The following FLNA variants were observed in gnomAD, a reference collection of about 807,000 sequenced individuals.
FLNA encodes the protein filamin-A.
In FLNA, 7 loss-of-function variants were observed where a neutral mutation model predicts 157.6. That is an observed-to-expected ratio of 0.04 (90% CI 0.03 to 0.08). FLNA has a LOEUF of 0.08. Among genes scored for constraint, FLNA ranks in the 10% least tolerant of loss-of-function variants. The probability of loss-of-function intolerance (pLI) is 1.00; values close to 1 mark genes in which losing one functional copy is unlikely to be tolerated. For synonymous variants in FLNA, 1,103 were observed against 1,060.8 expected (o/e 1.04, Z -0.77); for missense variants, 1,750 against 2,398.4 (o/e 0.73, Z 5.65).
In FLNA at chrX:154,349,469, G is replaced by C; in HGVS notation, c.7649C>G (p.Pro2550Arg). 1 of 1,211,587 alleles carries C rather than the reference G, an allele frequency of 8.3e-7. No individual in the cohort carries two copies. The highest frequency in any genetic ancestry group is 1.1e-6 in the Non-Finnish European group (1 of 895,002). Reference sequence around the variant, plus strand: ...GCTGGCGTCAGCAGGCCCAGGACCCGGGGCCCCATGCTGGGGGGCACAGGT... The same window carrying C: ...GCTGGCGTCAGCAGGCCCAGGACCCCGGGCCCCATGCTGGGGGGCACAGGT... The part of the protein sequence containing the change: ...KATCAPQHGA[P>R]GPGPADASKV... Residue 2550 changes from proline (P) to arginine (R), a missense_variant, in exon 47 of 48, where the codon CCG (proline) becomes CGG (arginine). By Grantham distance (103) the Pro-to-Arg change is moderately radical (BLOSUM62 -2). Around this residue, in one of 5 missense-constraint regions of FLNA, gnomAD observed 970 missense variants for 1,302.6 expected, o/e 0.74. Transcript: ENST00000369850.
Position 154,354,910 on chromosome X carries a change from A to G in FLNA, c.5132T>C (p.Phe1711Ser), listed in dbSNP as rs1390287865. Reference sequence around the variant, plus strand: ...TTTGCCCGGCTGGGGGGCCGTGTAGAAGATGTCGAAAGTGCCGTCCTCATT... The same window carrying G: ...TTTGCCCGGCTGGGGGGCCGTGTAGGAGATGTCGAAAGTGCCGTCCTCATT... Reference protein sequence around the residue: ...VENEDGTFDIFYTAPQPGKYV... With the variant: ...VENEDGTFDISYTAPQPGKYV... Residue 1711 changes from phenylalanine (F) to serine (S), a missense_variant, in exon 31 of 48, where the codon TTC (phenylalanine) becomes TCC (serine). By Grantham distance (155) the Phe-to-Ser change is radical. Transcript: ENST00000369850. The G allele has an allele frequency of 1.7e-6, 2 of 1,211,081 alleles. No individual in the cohort carries two copies. The highest frequency in any genetic ancestry group is 5.9e-5 in the East Asian group (2 of 33,793).
rs1167714408 is a variant in FLNA at position 154,349,356 on chromosome X, G to A, written c.7756+6C>T. 1 of 1,207,170 alleles carries A rather than the reference G, an allele frequency of 8.3e-7. No homozygotes were observed. The highest frequency in any genetic ancestry group is 1.1e-6 in the Non-Finnish European group (1 of 891,959). On this transcript the variant is annotated splice_donor_region_variant and intron_variant, in intron 47 of 47. Coordinates refer to ENST00000369850, the MANE Select transcript of FLNA (RefSeq NM_001110556.2). ...GGAAGGTGGGCCGGGGGCCCAGGTT[G>A]CCCACCTGCTTTGCTGCAGTCTACT...
chrX:154,362,164 G>A lies in FLNA; in HGVS notation c.2657-16C>T. 8.3e-7 allele frequency: 1 copy of A among 1,210,832 alleles called. No homozygotes were observed. The highest frequency in any genetic ancestry group is 1.1e-6 in the Non-Finnish European group (1 of 894,729). On this transcript the variant is annotated splice_polypyrimidine_tract_variant and intron_variant, in intron 18 of 47. Coordinates refer to ENST00000369850, the MANE Select transcript of FLNA (RefSeq NM_001110556.2). ...AGCTCGACACCTGAGGAACACACAG[G>A]GACCATGTAGGGGCACCCTGCCCCA...
rs2067626725 is a variant in FLNA, at chrX:154,352,405, G to A, written c.6545C>T (p.Ser2182Leu). 3 of 1,212,036 alleles carry A rather than the reference G, an allele frequency of 2.5e-6. No individual in the cohort carries two copies. Among genetic ancestry groups the A allele is most frequent in the Non-Finnish European group, 3.3e-6 (3 of 895,605 alleles). Residue 2182 changes from serine to leucine, a missense_variant, in exon 41 of 48, where the codon TCG becomes TTG. Around this residue, in one of 5 missense-constraint regions of FLNA, gnomAD observed 970 missense variants for 1,302.6 expected, o/e 0.74. Transcript: ENST00000369850. ...QDMTAQVTSPSGKTHEAEIVE... is the reference protein window; with the variant it reads ...QDMTAQVTSPLGKTHEAEIVE... ...GATCTCGGCCTCATGGGTCTTGCCC[G>A]ATGGGCTGGTCACCTGGGCTGTCAT...
At chrX:154,374,378 G>A (rs1387687062) in intron 1 of FLNA, 128 bp downstream of exon 1, 1 of 112,668 alleles carries the variant, frequency 8.9e-6, no homozygotes, top group African/African-American at 3.2e-5. Context: ...AGCTGAACCT[G>A]GCCCGGACCT....
At chrX:154,349,088 G>C in intron 47 of FLNA, 52 bp from the exon 48 acceptor site, 3 of 1,108,969 alleles carry the variant, frequency 2.7e-6, no homozygotes, top group Non-Finnish European at 3.7e-6. Context: ...TCCTCCCGCT[G>C]GTGTCCTGCT....
chrX:154,350,758 G>A, intron 44 of FLNA, 151 bp downstream of exon 44: 1 of 606,895 alleles, frequency 1.6e-6, no homozygotes, highest in Non-Finnish European at 2.7e-6. Flanking sequence ...CCAGCGGCTT[G>A]GGTCACCAAT....
Position 154,358,449 on chromosome X carries a change from G to C in FLNA, c.4594C>G (p.Arg1532Gly), listed in dbSNP as rs782563345. Reference sequence around the variant, plus strand: ...GCAGCAGGCCCTGCCTCTTACCTCCGGGGTACCTCTTCATCTCCATACAGT... The same window carrying C: ...GCAGCAGGCCCTGCCTCTTACCTCCCGGGTACCTCTTCATCTCCATACAGT... ...SVLYGDEEVP[R>G]SPFKVKVLPT... Residue 1532 changes from arginine to glycine, a missense_variant, in exon 27 of 48, where the codon CGG (arginine) becomes GGG (glycine). Physicochemically the swap from Arg to Gly is moderately radical, Grantham distance 125. Coordinates refer to ENST00000369850, the MANE Select transcript of FLNA (RefSeq NM_001110556.2). The C allele has an allele frequency of 8.3e-7, 1 of 1,211,279 alleles. No homozygotes were observed. The highest frequency in any genetic ancestry group is 1.1e-6 in the Non-Finnish European group (1 of 895,333).
At chrX:154,355,357 T>C (rs970996041) in intron 30 of FLNA, among the ~76,000 whole-genome samples, 6 of 113,660 alleles carry the variant, frequency 5.3e-5, no homozygotes, top group African/African-American at 1.6e-4. Context: ...AGCCTAAGTG[T>C]TGACAGCCAC....
At chrX:154,354,511 A>G in intron 32 of FLNA, 28 bp from the exon 33 acceptor site, 1 of 1,191,326 alleles carries the variant, frequency 8.4e-7, no homozygotes, top group Non-Finnish European at 1.1e-6. Context: ...GGCATGGGTG[A>G]GGGACAGTGG....
chrX:154,364,770 G>A, intron 12 of FLNA, 51 bp from the exon 13 acceptor site: 7 of 1,208,444 alleles, frequency 5.8e-6, no homozygotes, highest in Non-Finnish European at 4.5e-6. Flanking sequence ...AGGGTGGGCC[G>A]TCCTTGCCAT....
Position 154,349,254 on chromosome X carries a change from G to C in FLNA, c.7756+108C>G, listed in dbSNP as rs201634337. On this transcript the variant is annotated intron_variant, in intron 47 of 47. Coordinates refer to ENST00000369850, the MANE Select transcript of FLNA (RefSeq NM_001110556.2). ...AGGTGGCAGGGAGGTGGCTCTAGAA[G>C]TGAAAGCCACGCCCCAAAGGCGGTC... The C allele has an allele frequency of 7.8e-6, 7 of 898,151 alleles. No individual in the cohort carries two copies. In the East Asian group the frequency reaches 2.2e-4, roughly 28 times the overall value. The allele number at this position is 898,151 out of a possible 1,213,427, so 74.0% of individuals were successfully genotyped here.
At chrX:154,367,774 C>T (rs2067773849) in intron 3 of FLNA, 36 bp from the exon 4 acceptor site, 1 of 1,208,788 alleles carries the variant, frequency 8.3e-7, no homozygotes, top group African/African-American at 1.7e-5. Flanking sequence ...CTGGGGGCCG[C>T]AGAACCCCCT....
At chrX:154,365,010 C>G (rs781811804) in intron 11 of FLNA, 53 bp from the exon 12 acceptor site, 9 of 1,208,137 alleles carry the variant, frequency 7.4e-6, no homozygotes, top group Non-Finnish European at 1.0e-5. Context: ...CATGAGCCAG[C>G]GTGGGCCCCA....
chrX:154,357,443 T>C lies in FLNA; in HGVS notation c.4936A>G (p.Thr1646Ala), dbSNP rs2067671499. 3 of 1,207,518 alleles carry C rather than the reference T, an allele frequency of 2.5e-6. No homozygotes were observed. Among genetic ancestry groups the C allele is most frequent in the Non-Finnish European group, 3.4e-6 (3 of 892,783 alleles). The change falls in exon 29 of 48, where the codon ACT becomes GCT. Residue 1646 changes from threonine (T) to alanine (A), a missense_variant. By Grantham distance (58) the Thr-to-Ala change is moderately conservative. Transcript: ENST00000369850. Reference sequence around the variant, plus strand: ...CAGCGGGCGGGCTCACCTGTGACAGTGCACTTGCTGGCGTCCCCGGTGGGC... The same window carrying C: ...CAGCGGGCGGGCTCACCTGTGACAGCGCACTTGCTGGCGTCCCCGGTGGGC... Reference protein sequence around the residue: ...AVPTGDASKCTVTVSIGGHGL... With the variant: ...AVPTGDASKCAVTVSIGGHGL...
intron 34 of FLNA, 46 bp from the exon 35 acceptor site, chrX:154,354,089 C>T (rs1557176366): frequency 2.5e-6 from 3 of 1,210,608 alleles, no homozygotes; most frequent in Non-Finnish European, 2.2e-6. Flanking sequence ...CTCGTGTGTC[C>T]CCCAGCCCCA....
At chrX:154,359,679 C>T (rs377668613) in intron 23 of FLNA, 33 bp from the exon 24 acceptor site, 280 of 1,209,062 alleles carry the variant, frequency 2.3e-4, no homozygotes, top group Non-Finnish European at 2.8e-4. Flanking sequence ...AGGAGGAGCC[C>T]GGGCCACCCC....
At chrX:154,368,199 G>T (rs1393554981) in intron 2 of FLNA, 109 bp from the exon 3 acceptor site, 1 of 1,060,344 alleles carries the variant, frequency 9.4e-7, no homozygotes, top group Non-Finnish European at 1.3e-6. Context: ...CCAAGGAGGA[G>T]GTAGACACCC....
chrX:154,352,455 GTGGGGA>G lies in FLNA; in HGVS notation c.6503-14_6503-9del. The G allele has an allele frequency of 8.3e-7, 1 of 1,211,503 alleles. No homozygotes were observed. The highest frequency in any genetic ancestry group is 1.1e-6 in the Non-Finnish European group (1 of 895,345). ...TATCCTGGATGCTAATTTCTGCAGG[GTGGGGA>G]TGGGCTAGTGAGCAGCAGCCCTGGG... On this transcript the variant is annotated splice_polypyrimidine_tract_variant and intron_variant, in intron 40 of 47. Transcript: ENST00000369850.
Sources: gnomAD v4.1 joint callset for allele counts (sites outside exome capture counted in the v4.1 genomes callset) on GRCh38, gnomAD v4.1.1 for gene constraint, gnomAD v4.1.1 regional missense constraint, MANE v1.5 for transcripts, NCBI Gene and HGNC (gene_info 2026-07-23, HGNC 2026-07-21) for gene names.